The following TMEM161B variants were observed in gnomAD, a reference collection of about 807,000 sequenced individuals.
TMEM161B encodes the protein transmembrane protein 161B.
In TMEM161B, 34 loss-of-function variants were observed where a neutral mutation model predicts 61.8. The observed-to-expected ratio is 0.55, with a 90% confidence interval of 0.42 to 0.73. The LOEUF (loss-of-function observed/expected upper bound fraction) is 0.73, where lower values mean the gene tolerates loss of function less well. Ranked by LOEUF, TMEM161B falls within the 30% of genes least tolerant of loss-of-function variation. The pLI is 0.00. For synonymous variants in TMEM161B, 167 were observed against 192.8 expected (o/e 0.87, Z 1.11); for missense variants, 456 against 558.5 (o/e 0.82, Z 1.85).
intron 1 of TMEM161B, among the ~76,000 whole-genome samples, chr5:88,241,175 T>C (rs1367723612): frequency 6.6e-6 from 1 of 151,768 alleles, no homozygotes; most frequent in East Asian, 1.9e-4. Context: ...TAACATAGCA[T>C]TTACATTGTA....
intron 1 of TMEM161B, among the ~76,000 whole-genome samples, chr5:88,246,690 T>G (rs1458472836): frequency 6.6e-6 from 1 of 152,040 alleles, no homozygotes; most frequent in African/African-American, 2.4e-5. Flanking sequence ...AGCAGAACTT[T>G]GAAATGTTCA....
At chr5:88,251,983 G>T (rs1754393959) in intron 1 of TMEM161B, among the ~76,000 whole-genome samples, 1 of 152,050 alleles carries the variant, frequency 6.6e-6, no homozygotes, top group African/African-American at 2.4e-5. Context: ...TACTATAAAA[G>T]AATTTGTCTT....
At chr5:88,231,560 T>C (rs991999371) in intron 2 of TMEM161B, among the ~76,000 whole-genome samples, 5 of 152,230 alleles carry the variant, frequency 3.3e-5, no homozygotes, top group East Asian at 1.9e-4. Flanking sequence ...ATAGAGCAAG[T>C]GCTCAAAAAC....
chr5:88,207,650 T>C (rs1745780964), intron 5 of TMEM161B, among the ~76,000 whole-genome samples: 2 of 152,148 alleles, frequency 1.3e-5, no homozygotes, highest in African/African-American at 4.8e-5. Context: ...AAAAAATCTT[T>C]AGAGAAAACA....
intron 1 of TMEM161B, among the ~76,000 whole-genome samples, chr5:88,253,545 A>G (rs1048024334): frequency 1.3e-5 from 2 of 152,214 alleles, no homozygotes; most frequent in African/African-American, 4.8e-5. Flanking sequence ...GGCACAATCC[A>G]GAAATAATGT....
chr5:88,266,867 C>T (rs1240260331), intron 1 of TMEM161B, among the ~76,000 whole-genome samples: 1 of 152,178 alleles, frequency 6.6e-6, no homozygotes, highest in East Asian at 1.9e-4. Flanking sequence ...AATATAAGCA[C>T]TTCCAGAAGG....
downstream of TMEM161B, among the ~76,000 whole-genome samples, chr5:88,191,984 A>G (rs1297764127): frequency 0.018 from 19 of 1,068 alleles, no homozygotes; most frequent in Non-Finnish European, 0.035. Flanking sequence ...AAAAAAGTGT[A>G]TATATATATA....
intron 5 of TMEM161B, among the ~76,000 whole-genome samples, chr5:88,220,181 T>TA (rs1748654786): frequency 6.6e-6 from 1 of 152,150 alleles, no homozygotes; most frequent in Non-Finnish European, 1.5e-5. Flanking sequence ...AATAAAATGT[T>TA]ATCTCTAACT....
intron 2 of TMEM161B, among the ~76,000 whole-genome samples, chr5:88,236,198 C>T (rs1360682919): frequency 6.6e-6 from 1 of 152,080 alleles, no homozygotes; most frequent in Non-Finnish European, 1.5e-5. Context: ...CAGAATAAAT[C>T]TGACCATAAT....
chr5:88,191,122 C>G (rs990784857), downstream of TMEM161B, among the ~76,000 whole-genome samples: 25 of 152,222 alleles, frequency 1.6e-4, no homozygotes, highest in African/African-American at 5.8e-4. Flanking sequence ...TGATTATTGC[C>G]CTTCATCCTG....
At chr5:88,203,814 T>TATAA (rs1561312968) in intron 8 of TMEM161B, among the ~76,000 whole-genome samples, 14 of 90,150 alleles carry the variant, frequency 1.6e-4, no homozygotes, top group African/African-American at 2.2e-4. Flanking sequence ...TATATATATA[T>TATAA]AATTTGCATT....
At position 88,234,133 on chromosome 5, in the gene TMEM161B, A is replaced by AGAAG. The variant is rs1580583366; in HGVS notation, c.108-5609_108-5606dup. Among the ~76,000 whole-genome samples, 4 of 151,998 alleles carry AGAAG rather than the reference A, an allele frequency of 2.6e-5. No individual in the cohort carries two copies. In the East Asian group the frequency reaches 7.7e-4, roughly 29 times the overall value. On this transcript the variant is annotated intron_variant, in intron 2 of 11. Transcript: ENST00000296595. ...ATTCGTTGTTGTTACTTTAAATGGG[A>AGAAG]GAAGTTTAAAAAAAAAGTGTGTGTG... is the stretch of plus-strand genomic sequence containing the variant.
chr5:88,197,899 T>C (rs578140375), intron 10 of TMEM161B, 134 bp from the exon 11 acceptor site: 7 of 671,018 alleles, frequency 1.0e-5, no homozygotes, highest in African/African-American at 5.5e-5. Context: ...GTCAGTAAGT[T>C]GTGCTGCATG....
chr5:88,259,229 T>C (rs544371840), intron 1 of TMEM161B: 1 of 152,268 alleles, frequency 6.6e-6, no homozygotes, highest in South Asian at 2.1e-4. Context: ...AATAAGTAAA[T>C]ACCTGTGAAG....
chr5:88,228,612 A>G lies in TMEM161B; in HGVS notation c.108-84T>C, dbSNP rs1750456505. 4 of 1,010,424 alleles carry G rather than the reference A, an allele frequency of 4.0e-6. No individual in the cohort carries two copies. The Admixed American group carries it at 1.1e-4, about 28-fold the overall frequency. The allele number at this position is 1,010,424 out of a possible 1,614,324, so 62.6% of individuals were successfully genotyped here. ...ATCCTATAAATATTTATTAAGTTTC[A>G]TATTTGTGAAGACACTGTCGAGAAA... On this transcript the variant is annotated intron_variant, in intron 2 of 11. Transcript: ENST00000296595.
intron 1 of TMEM161B, among the ~76,000 whole-genome samples, chr5:88,264,588 T>C (rs944479359): frequency 2.0e-5 from 3 of 152,152 alleles, no homozygotes; most frequent in African/African-American, 4.8e-5. Flanking sequence ...ACTGGGTATA[T>C]ACCCAAAGGA....
At chr5:88,224,957 A>ATT (rs1749714087) in intron 4 of TMEM161B, among the ~76,000 whole-genome samples, 10 of 128,832 alleles carry the variant, frequency 7.8e-5, no homozygotes, top group South Asian at 7.7e-4. Flanking sequence ...CACACAAAAT[A>ATT]TGTTTTTGTT....
chr5:88,209,831 A>G (rs1423735501), intron 5 of TMEM161B, among the ~76,000 whole-genome samples: 1 of 145,166 alleles, frequency 6.9e-6, no homozygotes, highest in East Asian at 2.0e-4. Context: ...TGTCATCACT[A>G]CACTGTCTTG....
intron 10 of TMEM161B, chr5:88,198,343 C>G (rs960407932): frequency 2.6e-5 from 4 of 152,014 alleles, no homozygotes; most frequent in Admixed American, 2.6e-4. Flanking sequence ...CCTGTAATCC[C>G]AATACTTTGG....
Sources: gnomAD v4.1 joint callset for allele counts (sites outside exome capture counted in the v4.1 genomes callset) on GRCh38, gnomAD v4.1.1 for gene constraint, MANE v1.5 for transcripts, NCBI Gene and HGNC (gene_info 2026-07-23, HGNC 2026-07-21) for gene names.